Variants in EYS observed in about 807,000 individuals in gnomAD.
EYS encodes the protein EGF-like photoreceptor maintenance factor.
In EYS, 250 loss-of-function variants were observed where a neutral mutation model predicts 282.1. The observed-to-expected ratio is 0.89, with a 90% CI of 0.80 to 0.98. The LOEUF is 0.98. Ranked by LOEUF, EYS falls within the 50% of genes least tolerant of loss-of-function variation. EYS has a pLI of 0.00. For synonymous variants in EYS, 1,355 were observed against 1,282.9 expected (o/e 1.06, Z -1.20); for missense variants, 4,016 against 3,709.0 (o/e 1.08, Z -2.15).
chr6:65,533,025 T>C (rs1423533758), intron 2 of EYS, among the ~76,000 whole-genome samples: 3 of 152,166 alleles, frequency 2.0e-5, no homozygotes, highest in Non-Finnish European at 2.9e-5. Flanking sequence ...AAAGGATAAA[T>C]TTTGTTTTTA....
intron 31 of EYS, among the ~76,000 whole-genome samples, chr6:64,101,212 T>A (rs1342411924): frequency 6.6e-6 from 1 of 152,026 alleles, no homozygotes; most frequent in Non-Finnish European, 1.5e-5. Context: ...TAGATTTTTT[T>A]TTTTAGTGGG....
chr6:64,664,018 G>A (rs908726292), intron 22 of EYS, among the ~76,000 whole-genome samples: 1 of 152,194 alleles, frequency 6.6e-6, no homozygotes, highest in Non-Finnish European at 1.5e-5. Context: ...GATTAGAAGC[G>A]CAGCAGACAC....
rs375263699 is a variant in EYS, at chr6:65,442,867, CATACAT to C, written c.863-37506_863-37501del. On this transcript the variant is annotated intron_variant, in intron 5 of 42. Transcript: ENST00000503581. Reference sequence around the variant, plus strand: ...ATACACATACATATGTACATATATACATACATATACACATACATATGTACATATATG... The same window carrying C: ...ATACACATACATATGTACATATATACATACACATACATATGTACATATATG... Among the ~76,000 whole-genome samples the C allele has an allele frequency of 2.0e-5, 2 of 98,186 alleles. 1 individual carries two copies. Among genetic ancestry groups the C allele is most frequent in the Non-Finnish European group, 5.1e-5 (2 of 39,474 alleles). The allele number at this position is 98,186 out of a possible 152,430, so 64.4% of individuals were successfully genotyped here.
chr6:65,095,860 G>A (rs1297880119), intron 12 of EYS, among the ~76,000 whole-genome samples: 3 of 150,446 alleles, frequency 2.0e-5, no homozygotes, highest in African/African-American at 7.3e-5. Context: ...GGCAAAAAAC[G>A]GAAAACTTTT....
intron 31 of EYS, among the ~76,000 whole-genome samples, chr6:64,173,159 T>G (rs909515306): frequency 6.6e-6 from 1 of 152,160 alleles, no homozygotes; most frequent in East Asian, 1.9e-4. Flanking sequence ...AATTTTAATA[T>G]AGCAGCTAAC....
intron 23 of EYS, among the ~76,000 whole-genome samples, chr6:64,625,888 C>T (rs574762292): frequency 6.6e-6 from 1 of 152,280 alleles, no homozygotes; most frequent in African/African-American, 2.4e-5. Flanking sequence ...AGGTATTACA[C>T]TCTAAACATT....
intron 22 of EYS, among the ~76,000 whole-genome samples, chr6:64,660,528 C>T (rs1362037133): frequency 3.9e-5 from 6 of 152,126 alleles, no homozygotes; most frequent in Non-Finnish European, 7.3e-5. Flanking sequence ...TGATAAGCAA[C>T]TTCAGCAAAG....
intron 2 of EYS, among the ~76,000 whole-genome samples, chr6:65,570,808 C>G (rs1424414558): frequency 6.6e-6 from 1 of 152,014 alleles, no homozygotes; most frequent in East Asian, 1.9e-4. Context: ...GAAACTTCAG[C>G]CTTAGAAATA....
At position 64,211,459 on chromosome 6, in the gene EYS, C is replaced by T. The variant is rs533652669; in HGVS notation, c.6424+19133G>A. Among the ~76,000 whole-genome samples, 31 of 151,864 alleles carry T rather than the reference C, an allele frequency of 2.0e-4. 1 individual carries two copies. The East Asian group carries it at 3.1e-3, about 15-fold the overall frequency. On this transcript the variant is annotated intron_variant, in intron 31 of 42. Transcript: ENST00000503581. ...AATTAAATTTGCTCTCAGATTTTGA[C>T]GTGTCAGTCACTCAATCTCATGGAG...
At position 64,686,856 on chromosome 6, in the gene EYS, T is replaced by C. The variant is rs1388501975; in HGVS notation, c.3444-60611A>G. ...ATATATACGTGTATATATATATATG[T>C]GTATATATATACGTGTATATATATA... On this transcript the variant is annotated intron_variant, in intron 22 of 42. Coordinates refer to ENST00000503581, the MANE Select transcript of EYS (RefSeq NM_001142800.2). Among the ~76,000 whole-genome samples the C allele has an allele frequency of 2.4e-4, 4 of 16,380 alleles. 2 individuals carry two copies. The highest frequency in any genetic ancestry group is 1.1e-3 in the East Asian group (2 of 1,878). The allele number at this position is 16,380 out of a possible 152,430, so 10.7% of individuals were successfully genotyped here.
chr6:65,654,137 G>A (rs563598956), intron 1 of EYS, among the ~76,000 whole-genome samples: 7 of 151,744 alleles, frequency 4.6e-5, no homozygotes, highest in East Asian at 1.9e-4. Context: ...ACAACCCCTC[G>A]GCTTTACTCA....
chr6:65,238,071 T>G (rs1225349729), intron 12 of EYS, among the ~76,000 whole-genome samples: 1 of 151,850 alleles, frequency 6.6e-6, no homozygotes, highest in Non-Finnish European at 1.5e-5. Flanking sequence ...GATGGAAACA[T>G]TTTTCTTTTT....
intron 30 of EYS, among the ~76,000 whole-genome samples, chr6:64,288,354 A>G (rs1156893981): frequency 6.6e-6 from 1 of 152,108 alleles, no homozygotes; most frequent in Non-Finnish European, 1.5e-5. Context: ...TATTCCCACA[A>G]AAGTTCAAAT....
intron 13 of EYS, among the ~76,000 whole-genome samples, chr6:65,011,362 A>G (rs1771862510): frequency 6.6e-6 from 1 of 152,178 alleles, no homozygotes; most frequent in African/African-American, 2.4e-5. Context: ...CTGTATCTTT[A>G]ACCTCCTTGT....
chr6:64,773,142 C>G (rs1036406747), intron 22 of EYS, among the ~76,000 whole-genome samples: 2 of 151,844 alleles, frequency 1.3e-5, no homozygotes, highest in Admixed American at 1.3e-4. Flanking sequence ...CACTTTCCAC[C>G]CTCAAGTAGT....
chr6:64,919,158 C>A (rs1232976925), intron 15 of EYS, among the ~76,000 whole-genome samples: 1 of 151,648 alleles, frequency 6.6e-6, no homozygotes, highest in African/African-American at 2.4e-5. Context: ...GTAAGCAAAC[C>A]TTTCTTTCTT....
intron 33 of EYS, among the ~76,000 whole-genome samples, chr6:64,040,444 T>A (rs933624982): frequency 3.3e-5 from 5 of 152,214 alleles, no homozygotes; most frequent in African/African-American, 4.8e-5. Context: ...GTTAATGAGC[T>A]TTTAAAAACT....
At chr6:65,102,566 G>A (rs1207405314) in intron 12 of EYS, among the ~76,000 whole-genome samples, 5 of 150,750 alleles carry the variant, frequency 3.3e-5, no homozygotes, top group African/African-American at 1.2e-4. Context: ...ATACTTCAAT[G>A]TCCTAATTTA....
intron 11 of EYS, among the ~76,000 whole-genome samples, chr6:65,297,265 A>T (rs1217970859): frequency 6.6e-6 from 1 of 151,904 alleles, no homozygotes; most frequent in Non-Finnish European, 1.5e-5. Context: ...AAGGGCACTT[A>T]ACATTAGCAT....
Sources: allele counts gnomAD v4.1 joint callset (sites outside exome capture counted in the v4.1 genomes callset), GRCh38; gene constraint gnomAD v4.1.1; transcripts MANE v1.5; gene names NCBI Gene and HGNC (gene_info 2026-07-23, HGNC 2026-07-21).